Variants in SENP1 observed in about 807,000 individuals in gnomAD.
SENP1 encodes sentrin-specific protease 1.
Under a neutral mutation model 93.0 loss-of-function variants are expected in SENP1, and 21 were observed. The ratio of observed to expected loss-of-function variants is 0.23; its 90% CI spans 0.16 to 0.33. The LOEUF (loss-of-function observed/expected upper bound fraction) is 0.33. Ranked by LOEUF, SENP1 falls within the 10% of genes least tolerant of loss-of-function variation. The pLI is 1.00. For synonymous variants in SENP1, 256 were observed against 259.6 expected, an observed-to-expected ratio of 0.99 and a Z score of 0.13; for missense variants, 591 against 758.7, an observed-to-expected ratio of 0.78 and a Z score of 2.60.
chr12:48,069,364 T>C (rs1943524666), intron 9 of SENP1, among the ~76,000 whole-genome samples: 2 of 151,848 alleles, frequency 1.3e-5, no homozygotes, highest in Admixed American at 6.6e-5. Context: ...GAATTAAGAG[T>C]AGAGAGCCAA....
At chr12:48,105,943 G>T in intron 1 of SENP1, 85 bp downstream of exon 1, 1 of 690,774 alleles carries the variant, frequency 1.4e-6, no homozygotes, top group Non-Finnish European at 2.6e-6. Context: ...AGTCCAGCCC[G>T]GGCCGGCTGA....
chr12:48,058,544 TAC>T (rs139768560), intron 13 of SENP1, among the ~76,000 whole-genome samples: 8,942 of 152,280 alleles, frequency 0.059, 350 homozygotes, highest in Non-Finnish European at 0.093. Flanking sequence ...GGCTTTAACG[TAC>T]AGTCTTCCTT....
rs1410067105 is a variant in SENP1, at chr12:48,042,931, T to A, written c.*2391A>T. On this transcript the variant is annotated 3_prime_UTR_variant, in exon 18 of 18. Coordinates refer to ENST00000549518, the MANE Select transcript of SENP1 (RefSeq NM_001267594.2). ...GAAAAAAGTCTTATTTAGTTTAAAG[T>A]AAATTACATAAGATATTAATAACAT... 6.6e-6 allele frequency: 1 copy of A among 151,836 alleles called. No homozygotes were observed. Among genetic ancestry groups the A allele is most frequent in the Non-Finnish European group, 1.5e-5 (1 of 67,970 alleles). 9.4% of individuals were successfully genotyped at this position (151,836 alleles called of 1,614,324 possible). A position where few individuals can be genotyped will look rare whatever the true frequency, so the allele number is the denominator to read the frequency against.
At chr12:48,072,292 T>C (rs1208865146) in intron 8 of SENP1, among the ~76,000 whole-genome samples, 1 of 152,214 alleles carries the variant, frequency 6.6e-6, no homozygotes, top group African/African-American at 2.4e-5. Context: ...ACCTCAGTCA[T>C]CCAATTGACT....
chr12:48,051,724 T>C (rs1941828998), intron 13 of SENP1, among the ~76,000 whole-genome samples: 1 of 152,242 alleles, frequency 6.6e-6, no homozygotes, highest in Non-Finnish European at 1.5e-5. Flanking sequence ...GGAGCAGTGA[T>C]GGTCACAGCA....
At chr12:48,083,124 C>T (rs1022679791) in intron 6 of SENP1, among the ~76,000 whole-genome samples, 1 of 152,168 alleles carries the variant, frequency 6.6e-6, no homozygotes, top group African/African-American at 2.4e-5. Context: ...AGGCTCGTCT[C>T]GAACTCCTGG....
intron 13 of SENP1, among the ~76,000 whole-genome samples, chr12:48,051,082 G>GAAA (rs5798058): frequency 8.4e-5 from 11 of 131,664 alleles, no homozygotes; most frequent in Non-Finnish European, 1.8e-4. Context: ...AGTCTGAAGT[G>GAAA]AAAAAAAAAA....
In SENP1 at chr12:48,065,782, G is replaced by A. The variant is rs79337982; in HGVS notation, c.1035-102C>T. The A allele has an allele frequency of 3.4e-4, 237 of 705,942 alleles. 1 individual carries two copies. The African/African-American group carries it at 3.9e-3, about 12-fold the overall frequency. 43.7% of individuals were successfully genotyped at this position (705,942 alleles called of 1,614,324 possible). On this transcript the variant is annotated intron_variant, in intron 10 of 17. Coordinates refer to ENST00000549518, the MANE Select transcript of SENP1 (RefSeq NM_001267594.2). ...TAAATACAGGACCCTCACAAAGAAA[G>A]TCTAAAATCCTTACACTAACTTATC...
chr12:48,062,923 T>C (rs1301283737), intron 13 of SENP1, among the ~76,000 whole-genome samples: 3 of 152,200 alleles, frequency 2.0e-5, no homozygotes, highest in African/African-American at 7.2e-5. Context: ...TAATGATTAC[T>C]ACACTGAGAA....
intron 2 of SENP1, 79 bp downstream of exon 2, chr12:48,101,390 A>G: frequency 9.1e-7 from 1 of 1,096,530 alleles, no homozygotes; most frequent in Non-Finnish European, 1.3e-6. Flanking sequence ...AATACTGAAA[A>G]TGTTAGGAAA....
At chr12:48,092,008 A>AT (rs1945254955) in intron 4 of SENP1, among the ~76,000 whole-genome samples, 3 of 152,154 alleles carry the variant, frequency 2.0e-5, no homozygotes, top group Non-Finnish European at 1.5e-5. Flanking sequence ...AGTTTTTAAA[A>AT]TTTTATTTTT....
intron 13 of SENP1, among the ~76,000 whole-genome samples, chr12:48,061,688 A>G (rs1047067438): frequency 2.0e-5 from 3 of 152,192 alleles, no homozygotes; most frequent in African/African-American, 7.2e-5. Flanking sequence ...GATTATAGGC[A>G]TGACCCACTG....
At chr12:48,045,506 TTTAAA>T (rs1941299116) in intron 17 of SENP1, 122 bp from the exon 18 acceptor site, 1 of 726,184 alleles carries the variant, frequency 1.4e-6, no homozygotes, top group African/African-American at 1.8e-5. Flanking sequence ...TTTCTGGTCT[TTTAAA>T]TTATTCATTC....
At chr12:48,094,021 T>C (rs535657276) in intron 4 of SENP1, among the ~76,000 whole-genome samples, 1 of 152,268 alleles carries the variant, frequency 6.6e-6, no homozygotes, top group African/African-American at 2.4e-5. Flanking sequence ...AATCATGCAA[T>C]GTGTATGAGG....
rs1198649964 is a variant in SENP1 at position 48,074,674 on chromosome 12, T to G, written c.656+16A>C. 6.2e-7 allele frequency: 1 copy of G among 1,610,098 alleles called. No individual in the cohort carries two copies. The stretch of plus-strand genomic sequence containing the variant: ...TGTAGAATTAAATTCATCTGAAATA[T>G]GCTTCTGTGACTCACAGGTGTAAAG... On this transcript the variant is annotated intron_variant, in intron 7 of 17. Transcript: ENST00000549518.
In SENP1 at chr12:48,106,041, G is replaced by A. The variant is rs1946553477; in HGVS notation, c.-58C>T. ...GCCGCCACTCACCGAACCGGAACCG[G>A]CTGCCATGCGAAGGGGTTTCCGGCC... On this transcript the variant is annotated 5_prime_UTR_variant, in exon 1 of 18. Coordinates refer to ENST00000549518, the MANE Select transcript of SENP1 (RefSeq NM_001267594.2). The A allele has an allele frequency of 2.8e-6, 2 of 701,934 alleles. No homozygotes were observed. The highest frequency in any genetic ancestry group is 1.7e-5 in the African/African-American group (1 of 57,346). The allele number at this position is 701,934 out of a possible 1,614,324, so 43.5% of individuals were successfully genotyped here.
intron 6 of SENP1, among the ~76,000 whole-genome samples, chr12:48,078,441 T>C (rs1944292486): frequency 6.6e-6 from 1 of 150,940 alleles, no homozygotes; most frequent in Admixed American, 6.6e-5. Flanking sequence ...ACTGTATTCA[T>C]TTAATAGTTT....
At chr12:48,056,377 A>ATAAT (rs1555176387) in intron 13 of SENP1, among the ~76,000 whole-genome samples, 1 of 115,200 alleles carries the variant, frequency 8.7e-6, no homozygotes, top group Non-Finnish European at 1.6e-5. Context: ...TATTACATAT[A>ATAAT]TATTTAATAT....
chr12:48,075,521 G>A (rs781776021), intron 6 of SENP1, among the ~76,000 whole-genome samples: 2 of 152,154 alleles, frequency 1.3e-5, no homozygotes, highest in Non-Finnish European at 2.9e-5. Flanking sequence ...GGAGTATCTT[G>A]CCAACAGTTT....
Sources: gnomAD v4.1 joint callset for allele counts (sites outside exome capture counted in the v4.1 genomes callset) on GRCh38, gnomAD v4.1.1 for gene constraint, MANE v1.5 for transcripts, NCBI Gene and HGNC (gene_info 2026-07-23, HGNC 2026-07-21) for gene names.